TDRD9: variants seen among roughly 807,000 people sequenced by gnomAD.
The protein encoded by TDRD9 is ATP-dependent RNA helicase TDRD9.
In TDRD9, 124 loss-of-function variants were observed where a neutral mutation model predicts 172.6. The ratio of observed to expected loss-of-function variants is 0.72; its 90% CI spans 0.62 to 0.83. The LOEUF is 0.83. TDRD9 is among the 40% of genes least tolerant of loss of function. The probability of loss-of-function intolerance (pLI) is 0.00; values close to 1 mark genes in which losing one functional copy is unlikely to be tolerated. For synonymous variants in TDRD9, 619 were observed against 617.1 expected, an observed-to-expected ratio of 1.00 and a Z score of -0.05; for missense variants, 1,479 against 1,714.1, an observed-to-expected ratio of 0.86 and a Z score of 2.42.
intron 13 of TDRD9, among the ~76,000 whole-genome samples, chr14:104,003,491 G>T (rs2034330320): frequency 1.3e-5 from 2 of 152,212 alleles, no homozygotes; most frequent in Admixed American, 6.5e-5. Context: ...CTTCTAGATA[G>T]ATATCTTTTG....
Position 104,018,138 on chromosome 14 carries a change from A to T in TDRD9, c.2378A>T (p.Gln793Leu), listed in dbSNP as rs1229602557. The T allele has an allele frequency of 1.2e-6, 2 of 1,609,316 alleles. No homozygotes were observed. Among genetic ancestry groups the T allele is most frequent in the Non-Finnish European group, 1.7e-6 (2 of 1,176,996 alleles). ...GGATTTCTTTACTATAAACAACTAC[A>T]GTCTCTCTTTAGACAGTGTGGTCAA... is the stretch of plus-strand genomic sequence containing the variant. ...PYGFLYYKQL[Q>L]SLFRQCGQVK... Residue 793 changes from glutamine (Q) to leucine (L), a missense_variant, in exon 23 of 36, where the codon CAG (glutamine) becomes CTG (leucine). This residue lies in a region of TDRD9 where 1,413 missense variants were observed against 1,649.1 expected (regional missense o/e 0.86). Transcript: ENST00000409874.
chr14:104,018,247 T>C, intron 23 of TDRD9, 55 bp downstream of exon 23: 1 of 1,132,576 alleles, frequency 8.8e-7, no homozygotes. Context: ...ATGATTCAAA[T>C]GTTTCCAGAC....
Position 103,940,503 on chromosome 14 carries a change from A to G in TDRD9, c.215+11779A>G, listed in dbSNP as rs774065210. 2.6e-4 allele frequency: 61 copies of G among 237,542 alleles called. No homozygotes were observed. In the Middle Eastern group the frequency reaches 6.0e-3, roughly 23 times the overall value. The allele number at this position is 237,542 out of a possible 1,614,324, so 14.7% of individuals were successfully genotyped here. A position where few individuals can be genotyped will look rare whatever the true frequency, so the allele number is the denominator to read the frequency against. ...GTCAAGGTTAATATCTAAGTTTTGT[A>G]CAGAATTTGTCAGACTTCATACTAA... On this transcript the variant is annotated intron_variant, in intron 1 of 35. Transcript: ENST00000409874.
chr14:103,994,646 T>G (rs2033991765), intron 11 of TDRD9, 43 bp downstream of exon 11: 10 of 1,538,224 alleles, frequency 6.5e-6, no homozygotes, highest in Non-Finnish European at 8.9e-6. Context: ...TTTAGGTAAA[T>G]TTTCCTTAGA....
chr14:104,041,995 TA>T (rs1197872087), intron 33 of TDRD9, 73 bp from the exon 34 acceptor site: 2 of 1,006,022 alleles, frequency 2.0e-6, no homozygotes, highest in Non-Finnish European at 1.6e-6. Flanking sequence ...CTCTGAATGC[TA>T]TGAATTCTCT....
chr14:104,013,843 G>C (rs1454000365), intron 20 of TDRD9: 1 of 152,216 alleles, frequency 6.6e-6, no homozygotes, highest in Non-Finnish European at 1.5e-5. Context: ...GTTGGAGCAG[G>C]TCAAAACTCC....
intron 20 of TDRD9, among the ~76,000 whole-genome samples, chr14:104,011,382 G>A (rs766173835): frequency 1.3e-5 from 2 of 152,190 alleles, no homozygotes; most frequent in Admixed American, 6.5e-5. Flanking sequence ...AATACTATGA[G>A]ATGTTGTTAT....
chr14:103,969,241 A>G (rs1256771435), intron 5 of TDRD9, among the ~76,000 whole-genome samples: 1 of 150,078 alleles, frequency 6.7e-6, no homozygotes, highest in Non-Finnish European at 1.5e-5. Context: ...GATGAGTACT[A>G]GGGAGACCCA....
At chr14:103,990,999 A>G (rs2033842156) in intron 8 of TDRD9, among the ~76,000 whole-genome samples, 161 bp from the exon 9 acceptor site, 1 of 152,198 alleles carries the variant, frequency 6.6e-6, no homozygotes, top group Non-Finnish European at 1.5e-5. Flanking sequence ...ATGTTTTCTC[A>G]TCTTTTTGGG....
At chr14:104,030,508 CA>C (rs2035250072) in intron 28 of TDRD9, among the ~76,000 whole-genome samples, 1 of 152,112 alleles carries the variant, frequency 6.6e-6, no homozygotes, top group South Asian at 2.1e-4. Context: ...AACGAACAAA[CA>C]AAAACCCCAA....
At chr14:103,940,606 A>G (rs1756969307) in intron 1 of TDRD9, 1 of 449,416 alleles carries the variant, frequency 2.2e-6, no homozygotes, top group Non-Finnish European at 3.9e-6. Flanking sequence ...CTTAGGAAAC[A>G]TTTTAGTTAA....
At position 103,940,344 on chromosome 14, in the gene TDRD9, C is replaced by T. The variant is rs145481509; in HGVS notation, c.215+11620C>T. The T allele has an allele frequency of 7.4e-3, 1,137 of 153,298 alleles. 10 individuals are homozygous for T. The highest frequency in any genetic ancestry group is 0.025 in the African/African-American group (1,030 of 41,544). 9.5% of individuals were successfully genotyped at this position (153,298 alleles called of 1,614,324 possible). On this transcript the variant is annotated intron_variant, in intron 1 of 35. Coordinates refer to ENST00000409874, the MANE Select transcript of TDRD9 (RefSeq NM_153046.3). Reference sequence around the variant, plus strand: ...AACTGCATGATATTTTTTCCCTCACCGCCCTTCTCCCCATCCCCTGCTGAG... The same window carrying T: ...AACTGCATGATATTTTTTCCCTCACTGCCCTTCTCCCCATCCCCTGCTGAG...
intron 7 of TDRD9, among the ~76,000 whole-genome samples, chr14:103,976,465 GGGTTTCACTGT>G (rs2033248924): frequency 6.6e-6 from 1 of 151,888 alleles, no homozygotes; most frequent in Non-Finnish European, 1.5e-5. Flanking sequence ...AGTAGAGACG[GGGTTTCACTGT>G]GGTCTCAATC....
At position 104,026,032 on chromosome 14, in the gene TDRD9, T is replaced by C. The variant is rs2035106310; in HGVS notation, c.2932-15T>C. ...TTGACCCCGTCGTAAAGTGTATACT[T>C]GCTTTATTTTCTAGGTATTCTTTGT... is the stretch of plus-strand genomic sequence containing the variant. On this transcript the variant is annotated splice_polypyrimidine_tract_variant and intron_variant, in intron 26 of 35. Transcript: ENST00000409874. 1 of 1,550,938 alleles carries C rather than the reference T, an allele frequency of 6.4e-7. No individual in the cohort carries two copies. Among genetic ancestry groups the C allele is most frequent in the African/African-American group, 1.4e-5 (1 of 73,676 alleles).
chr14:103,997,503 C>T lies in TDRD9; in HGVS notation c.1379-1121C>T, dbSNP rs1391828478. On this transcript the variant is annotated intron_variant, in intron 12 of 35. Coordinates refer to ENST00000409874, the MANE Select transcript of TDRD9 (RefSeq NM_153046.3). The surrounding 1 kb of genome is among the most constrained non-coding windows in gnomAD (Gnocchi z 5.1). The stretch of plus-strand genomic sequence containing the variant: ...TGAGGAGCTGGGATTCGGGCTGAGA[C>T]GTGCTAGATGTTCAGGTGGAGGTGT... Among the ~76,000 whole-genome samples the T allele has an allele frequency of 6.6e-6, 1 of 152,190 alleles. No homozygotes were observed. Among genetic ancestry groups the T allele is most frequent in the Non-Finnish European group, 1.5e-5 (1 of 68,034 alleles).
Position 103,986,236 on chromosome 14 carries a change from AG to A in TDRD9, c.1033del (p.Glu345AsnfsTer3), listed in dbSNP as rs750435486. ...HHSKLSPHLL[E>X]EPVITKDIYE... The stretch of plus-strand genomic sequence containing the variant: ...TTTTAGCTCTCTCCTCATCTCCTGG[AG>A]GAACCGGTGATAACTAAGGATATAT... On this transcript the variant is annotated frameshift_variant, in exon 8 of 36. Coordinates refer to ENST00000409874, the MANE Select transcript of TDRD9 (RefSeq NM_153046.3). LOFTEE classifies it high-confidence loss of function. The A allele has an allele frequency of 6.2e-7, 1 of 1,612,804 alleles. No individual in the cohort carries two copies. The highest frequency in any genetic ancestry group is 8.5e-7 in the Non-Finnish European group (1 of 1,179,482).
intron 7 of TDRD9, among the ~76,000 whole-genome samples, chr14:103,983,539 T>C (rs1771537371): frequency 6.6e-6 from 1 of 152,092 alleles, no homozygotes; most frequent in Non-Finnish European, 1.5e-5. Flanking sequence ...ACAAGTAAAA[T>C]TATTAATTAA....
At chr14:103,956,788 G>A (rs368781033) in intron 2 of TDRD9, among the ~76,000 whole-genome samples, 2 of 151,988 alleles carry the variant, frequency 1.3e-5, no homozygotes, top group Non-Finnish European at 2.9e-5. Flanking sequence ...AGAGTTCACC[G>A]TTAGTTACTT....
At chr14:104,025,970 A>G in intron 26 of TDRD9, 77 bp from the exon 27 acceptor site, 1 of 1,043,938 alleles carries the variant, frequency 9.6e-7, no homozygotes, top group Non-Finnish European at 1.5e-6. Flanking sequence ...ATTAGAGCAG[A>G]CTGCTGCATT....
Sources: gnomAD v4.1 joint callset for allele counts (sites outside exome capture counted in the v4.1 genomes callset) on GRCh38, gnomAD v4.1.1 for gene constraint, gnomAD v4.1.1 regional missense constraint, Gnocchi (gnomAD v3.1) non-coding constraint, MANE v1.5 for transcripts, NCBI Gene and HGNC (gene_info 2026-07-23, HGNC 2026-07-21) for gene names.